Variants in WDR70 observed in about 807,000 individuals in gnomAD.
WDR70 encodes the protein WD repeat domain 70, also known as WD repeat-containing protein 70.
A neutral mutation model predicts 88.6 loss-of-function variants in WDR70; 53 were observed. That is an observed-to-expected ratio of 0.60 (90% confidence interval 0.48 to 0.75). The LOEUF (loss-of-function observed/expected upper bound fraction) is 0.75. Among genes scored for constraint, WDR70 ranks in the 30% least tolerant of loss-of-function variants. WDR70 has a pLI of 0.00. For missense variants in WDR70, 610 were observed against 823.2 expected (o/e 0.74, Z 3.17); for synonymous variants, 280 against 270.0 (o/e 1.04, Z -0.36).
chr5:37,514,742 C>T (rs946200168), intron 8 of WDR70, among the ~76,000 whole-genome samples: 1 of 152,022 alleles, frequency 6.6e-6, no homozygotes, highest in African/African-American at 2.4e-5. Flanking sequence ...CAGAGGTGGG[C>T]GCAGTGGCTC....
chr5:37,728,821 A>G (rs139280145), intron 17 of WDR70, among the ~76,000 whole-genome samples: 1 of 152,260 alleles, frequency 6.6e-6, no homozygotes, highest in Non-Finnish European at 1.5e-5. Flanking sequence ...TAATTTTATC[A>G]TCCGTGAATG....
At chr5:37,384,765 G>T (rs1217596426) in intron 3 of WDR70, among the ~76,000 whole-genome samples, 1 of 151,784 alleles carries the variant, frequency 6.6e-6, no homozygotes, top group East Asian at 1.9e-4. Flanking sequence ...AAAGTGCTAG[G>T]ATTACAGGTG....
intron 7 of WDR70, among the ~76,000 whole-genome samples, chr5:37,449,590 C>CAAAAAAAAAAAAAAAAAAAAAA (rs376148041): frequency 1.2e-5 from 1 of 85,728 alleles, no homozygotes; most frequent in African/African-American, 4.3e-5. Flanking sequence ...AATTTTGTCT[C>CAAAAAAAAAAAAAAAAAAAAAA]AAAAAAAAAA....
chr5:37,712,695 C>A (rs1747547037), intron 13 of WDR70, among the ~76,000 whole-genome samples: 1 of 151,862 alleles, frequency 6.6e-6, no homozygotes, highest in African/African-American at 2.4e-5. Flanking sequence ...TAAAAAAAAA[C>A]TTTTTAATTT....
intron 10 of WDR70, among the ~76,000 whole-genome samples, chr5:37,682,608 A>G (rs1436804298): frequency 6.6e-6 from 1 of 152,186 alleles, no homozygotes; most frequent in Non-Finnish European, 1.5e-5. Context: ...GCTGTGTCCC[A>G]GAGATTCTGG....
At chr5:37,440,382 G>A (rs1431895827) in intron 6 of WDR70, among the ~76,000 whole-genome samples, 1 of 151,856 alleles carries the variant, frequency 6.6e-6, no homozygotes, top group African/African-American at 2.4e-5. Context: ...GTCTTGCTCT[G>A]TCACTCAGGC....
chr5:37,390,108 C>T (rs1345945368), intron 3 of WDR70, among the ~76,000 whole-genome samples: 1 of 152,074 alleles, frequency 6.6e-6, no homozygotes, highest in African/African-American at 2.4e-5. Context: ...CAATTGAGAA[C>T]CAAACTATTC....
chr5:37,637,104 G>A (rs1744988940), intron 10 of WDR70, among the ~76,000 whole-genome samples: 1 of 152,026 alleles, frequency 6.6e-6, no homozygotes. Context: ...CACTTTGGGA[G>A]GCCGAAGTGG....
chr5:37,705,967 C>G (rs1747310942), intron 13 of WDR70, among the ~76,000 whole-genome samples: 2 of 152,338 alleles, frequency 1.3e-5, no homozygotes, highest in South Asian at 2.1e-4. Flanking sequence ...TGCTTATATT[C>G]TAGGACACCA....
At chr5:37,655,944 T>G (rs1745542390) in intron 10 of WDR70, among the ~76,000 whole-genome samples, 1 of 152,094 alleles carries the variant, frequency 6.6e-6, no homozygotes, top group South Asian at 2.1e-4. Context: ...TTTTGTCAAC[T>G]TGTCAAACTT....
intron 5 of WDR70, among the ~76,000 whole-genome samples, chr5:37,398,090 T>G (rs1351263245): frequency 1.2e-3 from 20 of 16,114 alleles, no homozygotes; most frequent in Middle Eastern, 0.071. Context: ...GTAGATAATT[T>G]TTTTTTTTTT....
chr5:37,417,035 T>G (rs984330055), intron 5 of WDR70, among the ~76,000 whole-genome samples: 1 of 148,894 alleles, frequency 6.7e-6, no homozygotes, highest in Non-Finnish European at 1.5e-5. Context: ...GCAGTGGTTT[T>G]TATTTTGCTC....
rs59026349 is a variant in WDR70, at chr5:37,414,144, C to CAAA, written c.492+17591_492+17593dup. 1.7e-3 allele frequency among the ~76,000 whole-genome samples: 157 copies of CAAA among 94,010 alleles called. 1 individual carries two copies. Among genetic ancestry groups the CAAA allele is most frequent in the East Asian group, 3.5e-3 (12 of 3,440 alleles). The allele number at this position is 94,010 out of a possible 152,430, so 61.7% of individuals were successfully genotyped here. A position where few individuals can be genotyped will look rare whatever the true frequency, so the allele number is the denominator to read the frequency against. ...GGGCAACAGGAGCAAAACTCTGTCT[C>CAAA]AAAAAAAAAAAAAAAAAAAGAAAAT... On this transcript the variant is annotated intron_variant, in intron 5 of 17. Coordinates refer to ENST00000265107, the MANE Select transcript of WDR70 (RefSeq NM_018034.4).
chr5:37,578,996 G>C (rs1291592973), intron 9 of WDR70, among the ~76,000 whole-genome samples: 2 of 152,056 alleles, frequency 1.3e-5, no homozygotes, highest in African/African-American at 4.8e-5. Context: ...AATTCCTGTG[G>C]TAAGTGTGTC....
intron 9 of WDR70, among the ~76,000 whole-genome samples, chr5:37,592,844 A>G (rs1319063401): frequency 4.6e-5 from 7 of 152,226 alleles, no homozygotes; most frequent in African/African-American, 1.7e-4. Context: ...TATTAAAGAG[A>G]CCACATAATC....
chr5:37,387,525 C>T (rs1279403012), intron 3 of WDR70, among the ~76,000 whole-genome samples: 1 of 152,100 alleles, frequency 6.6e-6, no homozygotes, highest in Non-Finnish European at 1.5e-5. Context: ...CTGATCTAAA[C>T]ACATGAATCT....
In WDR70 at chr5:37,436,288, G is replaced by A. The variant is rs573933815; in HGVS notation, c.493-1634G>A. On this transcript the variant is annotated intron_variant, in intron 5 of 17. Coordinates refer to ENST00000265107, the MANE Select transcript of WDR70 (RefSeq NM_018034.4). ...ATGTGCCAAACTCTGTTAGGAGTTT[G>A]AAACCACTTACTTCACTGTAACCTG... Among the ~76,000 whole-genome samples, 211 of 152,228 alleles carry A rather than the reference G, an allele frequency of 1.4e-3. 1 individual carries two copies. The highest frequency in any genetic ancestry group is 6.8e-3 in the Middle Eastern group (2 of 294).
chr5:37,435,009 A>G (rs1750425977), intron 5 of WDR70, among the ~76,000 whole-genome samples: 1 of 152,214 alleles, frequency 6.6e-6, no homozygotes, highest in Admixed American at 6.5e-5. Context: ...ACTATTTTAG[A>G]TGATTTAGCT....
At chr5:37,634,458 T>C (rs1236657386) in intron 10 of WDR70, among the ~76,000 whole-genome samples, 1 of 152,186 alleles carries the variant, frequency 6.6e-6, no homozygotes, top group Non-Finnish European at 1.5e-5. Context: ...TCTCTAACCT[T>C]ACCTCACACA....
Sources: allele counts gnomAD v4.1 joint callset (sites outside exome capture counted in the v4.1 genomes callset), GRCh38; gene constraint gnomAD v4.1.1; transcripts MANE v1.5; gene names NCBI Gene and HGNC (gene_info 2026-07-23, HGNC 2026-07-21).